Variants in CYP2J2 observed in about 807,000 individuals in gnomAD.
CYP2J2 encodes cytochrome P450 2J2.
In CYP2J2, 41 loss-of-function variants were observed where a neutral mutation model predicts 48.8. The observed-to-expected ratio is 0.84, with a 90% CI of 0.66 to 1.09. The LOEUF is 1.09. CYP2J2 is among the 50% of genes least tolerant of loss of function. CYP2J2 has a pLI of 0.00. For synonymous variants in CYP2J2, 221 were observed against 227.1 expected, an observed-to-expected ratio of 0.97 and a Z score of 0.24; for missense variants, 644 against 617.3, an observed-to-expected ratio of 1.04 and a Z score of -0.46.
chr1:59,951,642 C>CT, the CYP2J2 span, among the ~76,000 whole-genome samples: 1 of 152,086 alleles, frequency 6.6e-6, no homozygotes, highest in Middle Eastern at 3.2e-3. Context: ...TGGAATGAGC[C>CT]TACCTTATTT....
chr1:59,927,344 G>A (rs1437060487), upstream of CYP2J2, among the ~76,000 whole-genome samples: 2 of 152,214 alleles, frequency 1.3e-5, no homozygotes, highest in Non-Finnish European at 2.9e-5. Context: ...CATAATAAGT[G>A]CTTAATTAAC....
intron 1 of CYP2J2, among the ~76,000 whole-genome samples, chr1:59,918,198 TA>T (rs1644483305): frequency 6.6e-6 from 1 of 152,182 alleles, no homozygotes; most frequent in African/African-American, 2.4e-5. Context: ...TTTTTTAATG[TA>T]CCCTTGCTGA....
the CYP2J2 span, among the ~76,000 whole-genome samples, chr1:59,941,192 GC>G: frequency 6.6e-6 from 1 of 152,118 alleles, no homozygotes; most frequent in African/African-American, 2.4e-5. Context: ...TCTTCTGCTG[GC>G]CTGGCTTAGG....
chr1:59,909,160 C>T (rs1644389444), intron 5 of CYP2J2, among the ~76,000 whole-genome samples: 1 of 152,180 alleles, frequency 6.6e-6, no homozygotes, highest in African/African-American at 2.4e-5. Flanking sequence ...TCTCTAATTG[C>T]ATCATCAATC....
the CYP2J2 span, among the ~76,000 whole-genome samples, chr1:59,959,873 C>A: frequency 1.7e-3 from 262 of 152,166 alleles, no homozygotes; most frequent in African/African-American, 6.0e-3. Flanking sequence ...AAGAATGACA[C>A]AATGGACTTT....
At chr1:59,926,841 C>T (rs1254458336), upstream of CYP2J2, 5 of 1,159,158 alleles carry the variant, frequency 4.3e-6, no homozygotes, top group African/African-American at 7.7e-5. Context: ...CCGTGCCCCG[C>T]CTCCCAGCCC....
the CYP2J2 span, among the ~76,000 whole-genome samples, chr1:59,953,256 G>T: frequency 6.6e-6 from 1 of 152,234 alleles, no homozygotes; most frequent in East Asian, 1.9e-4. Flanking sequence ...ATTGGGCTTA[G>T]TCTAATTATT....
At chr1:59,901,646 A>G (rs895647750) in intron 7 of CYP2J2, among the ~76,000 whole-genome samples, 3 of 152,210 alleles carry the variant, frequency 2.0e-5, no homozygotes, top group Admixed American at 6.5e-5. Flanking sequence ...ATCCAGGTAC[A>G]TGCTAAGAAA....
upstream of CYP2J2, among the ~76,000 whole-genome samples, chr1:59,930,006 G>T (rs1028587010): frequency 6.6e-6 from 1 of 152,134 alleles, no homozygotes; most frequent in African/African-American, 2.4e-5. Flanking sequence ...AGGAAATCCT[G>T]CAAGCAGCAT....
At chr1:59,965,646 C>A in the CYP2J2 span, among the ~76,000 whole-genome samples, 1 of 152,010 alleles carries the variant, frequency 6.6e-6, no homozygotes, top group South Asian at 2.1e-4. Context: ...CTAGGGTGTA[C>A]CCAAATTCTG....
chr1:59,911,992 A>G (rs1350357907), intron 3 of CYP2J2, among the ~76,000 whole-genome samples, 170 bp downstream of exon 3: 1 of 152,206 alleles, frequency 6.6e-6, no homozygotes, highest in East Asian at 1.9e-4. Context: ...TTTAGTGCCC[A>G]TCTTTGTGTA....
intron 1 of CYP2J2, 112 bp downstream of exon 1, chr1:59,926,425 C>T: frequency 1.1e-6 from 1 of 877,532 alleles, no homozygotes; most frequent in South Asian, 1.5e-5. Context: ...CAGCGTTAGC[C>T]ACACCTCTTC....
chr1:59,955,033 G>A, the CYP2J2 span, among the ~76,000 whole-genome samples: 3 of 152,014 alleles, frequency 2.0e-5, no homozygotes, highest in Admixed American at 6.6e-5. Context: ...AGCTACTTGG[G>A]AGGCTGAGGT....
chr1:59,907,516 A>G (rs1644375066), intron 6 of CYP2J2, among the ~76,000 whole-genome samples: 1 of 152,216 alleles, frequency 6.6e-6, no homozygotes, highest in Admixed American at 6.5e-5. Flanking sequence ...TGTTTCCTGG[A>G]ACTATCTCAA....
the CYP2J2 span, among the ~76,000 whole-genome samples, chr1:59,948,256 C>G: frequency 0.05 from 7,630 of 152,220 alleles, 460 homozygotes; most frequent in African/African-American, 0.14. Flanking sequence ...TTTTCTCCCT[C>G]AATTATTCTC....
Position 59,926,587 on chromosome 1 carries a change from CA to C in CYP2J2, c.159del (p.Gly54AlafsTer19). On this transcript the variant is annotated frameshift_variant, in exon 1 of 9. Transcript: ENST00000371204. LOFTEE classifies it high-confidence loss of function. ...YPPGPWRLPFLGNFFLVDFEQ... is the reference protein window; with the variant it reads ...YPPGPWRLPFXGNFFLVDFEQ... ...TCGAAGTCCACAAGGAAGAAGTTGCCAAGGAAGGGCAGGCGCCAGGGCCCCG... is the reference window on the plus strand; with the variant it reads ...TCGAAGTCCACAAGGAAGAAGTTGCCAGGAAGGGCAGGCGCCAGGGCCCCG... 1 of 1,614,196 alleles carries C rather than the reference CA, an allele frequency of 6.2e-7. No individual in the cohort carries two copies.
At chr1:59,895,283 T>C (rs1277355165) in intron 8 of CYP2J2, among the ~76,000 whole-genome samples, 2 of 152,260 alleles carry the variant, frequency 1.3e-5, no homozygotes, top group Non-Finnish European at 2.9e-5. Flanking sequence ...CCTCACTCTT[T>C]ATACAACTTT....
intron 8 of CYP2J2, among the ~76,000 whole-genome samples, chr1:59,899,957 A>G (rs1489098267): frequency 1.3e-5 from 2 of 152,206 alleles, no homozygotes; most frequent in East Asian, 3.8e-4. Flanking sequence ...CAAAACCTGG[A>G]ACATATTAAG....
the CYP2J2 span, among the ~76,000 whole-genome samples, chr1:59,932,502 C>T: frequency 6.6e-6 from 1 of 151,960 alleles, no homozygotes; most frequent in African/African-American, 2.4e-5. Flanking sequence ...AGTTTCTAAG[C>T]TTCAAAAAAG....
Sources: allele counts gnomAD v4.1 joint callset (sites outside exome capture counted in the v4.1 genomes callset), GRCh38; gene constraint gnomAD v4.1.1; transcripts MANE v1.5; gene names NCBI Gene and HGNC (gene_info 2026-07-23, HGNC 2026-07-21).